Variants in CACNA1D observed in about 807,000 individuals in gnomAD.
The protein encoded by CACNA1D is calcium voltage-gated channel subunit alpha1 D, also known as voltage-dependent L-type calcium channel subunit alpha-1D.
Under a neutral mutation model 257.1 loss-of-function variants are expected in CACNA1D, and 55 were observed. That is an observed-to-expected ratio of 0.21 (90% CI 0.17 to 0.27). The LOEUF is 0.27. CACNA1D is among the 10% of genes least tolerant of loss of function. CACNA1D has a pLI of 1.00. For missense variants in CACNA1D, 1,876 were observed against 2,784.0 expected, an observed-to-expected ratio of 0.67 and a Z score of 7.34; for synonymous variants, 980 against 1,014.9, an observed-to-expected ratio of 0.97 and a Z score of 0.65.
chr3:53,661,689 G>A (rs2680653), intron 5 of CACNA1D, among the ~76,000 whole-genome samples: 2 of 152,162 alleles, frequency 1.3e-5, no homozygotes, highest in Admixed American at 6.5e-5. Context: ...GGCTGTGTGC[G>A]TGTGTGCGTG....
chr3:53,571,563 A>G (rs1024241685), intron 3 of CACNA1D, among the ~76,000 whole-genome samples: 2 of 151,286 alleles, frequency 1.3e-5, no homozygotes, highest in African/African-American at 4.9e-5. Context: ...CATAATAGTC[A>G]TGACAGGTTC....
chr3:53,638,233 A>G (rs2093908797), intron 3 of CACNA1D, among the ~76,000 whole-genome samples: 1 of 152,116 alleles, frequency 6.6e-6, no homozygotes, highest in Admixed American at 6.6e-5. Context: ...GTCTATAGCA[A>G]ACCATAGAGA....
At chr3:53,556,001 G>A (rs957595441) in intron 3 of CACNA1D, among the ~76,000 whole-genome samples, 5 of 152,018 alleles carry the variant, frequency 3.3e-5, no homozygotes, top group Admixed American at 3.3e-4. Context: ...CCCAGCCCAT[G>A]GCAACCACTG....
chr3:53,673,844 TCTC>T lies in CACNA1D; in HGVS notation c.1220+721_1220+723del, dbSNP rs1278244128. 7.0e-7 allele frequency: 1 copy of T among 1,433,926 alleles called. No homozygotes were observed. The highest frequency in any genetic ancestry group is 1.1e-5 in the South Asian group (1 of 87,416). The allele number at this position is 1,433,926 out of a possible 1,614,324, so 88.8% of individuals were successfully genotyped here. A position where few individuals can be genotyped will look rare whatever the true frequency, so the allele number is the denominator to read the frequency against. On this transcript the variant is annotated intron_variant, in intron 8 of 47. Coordinates refer to ENST00000350061, the MANE Select transcript of CACNA1D (RefSeq NM_001128840.3). This position sits in a 1 kb window ranked among gnomAD's most constrained non-coding sequence, Gnocchi z 4.1. ...AAGCAGTCGGATCCGTGTTGCACCT[TCTC>T]CTGCTGCCACGTGTGAGGCAACTCT...
At chr3:53,541,080 T>C (rs867644263) in intron 3 of CACNA1D, among the ~76,000 whole-genome samples, 3 of 152,200 alleles carry the variant, frequency 2.0e-5, no homozygotes, top group South Asian at 2.1e-4. Context: ...GTTGTTTTTC[T>C]TGTTTAAAAT....
chr3:53,602,123 C>T (rs1489852518), intron 3 of CACNA1D, among the ~76,000 whole-genome samples: 1 of 152,200 alleles, frequency 6.6e-6, no homozygotes, highest in Non-Finnish European at 1.5e-5. Context: ...TCTCCTCACC[C>T]TTCCTGGTCT....
intron 12 of CACNA1D, among the ~76,000 whole-genome samples, chr3:53,722,822 G>A (rs1241696311): frequency 2.6e-5 from 4 of 152,126 alleles, no homozygotes; most frequent in Non-Finnish European, 4.4e-5. Context: ...AAATGGTTTT[G>A]GTTCCCCTGC....
intron 3 of CACNA1D, among the ~76,000 whole-genome samples, chr3:53,622,670 A>G (rs1183450905): frequency 6.6e-6 from 1 of 152,128 alleles, no homozygotes; most frequent in African/African-American, 2.4e-5. Context: ...ACTAATGTGT[A>G]CTAGGCTTGA....
intron 8 of CACNA1D, among the ~76,000 whole-genome samples, chr3:53,683,992 T>C (rs1051603247): frequency 6.6e-6 from 1 of 152,160 alleles, no homozygotes; most frequent in Non-Finnish European, 1.5e-5. Flanking sequence ...CAAATTTAGA[T>C]GGCTGAAAGT....
rs995749979 is a variant in CACNA1D, at chr3:53,494,751, GCGGGCGGGCAGA to G, written c.-405_-394del. The G allele has an allele frequency of 2.9e-4, 42 of 147,074 alleles. No homozygotes were observed. The highest frequency in any genetic ancestry group is 2.6e-3 in the Admixed American group (39 of 14,746). The allele number at this position is 147,074 out of a possible 1,614,324, so 9.1% of individuals were successfully genotyped here. A position where few individuals can be genotyped will look rare whatever the true frequency, so the allele number is the denominator to read the frequency against. ...GCGGCGGCGGGCACCGGGCACCGCGGCGGGCGGGCAGACGGGCGGGCATGGGGGGAGCGCCGA... is the reference window on the plus strand; with the variant it reads ...GCGGCGGCGGGCACCGGGCACCGCGGCGGGCGGGCATGGGGGGAGCGCCGA... On this transcript the variant is annotated 5_prime_UTR_variant, in exon 1 of 48. In the 5' UTR this introduces an upstream ATG that the reference lacks. Coordinates refer to ENST00000350061, the MANE Select transcript of CACNA1D (RefSeq NM_001128840.3).
intron 3 of CACNA1D, among the ~76,000 whole-genome samples, chr3:53,590,766 G>A (rs2093292333): frequency 6.6e-6 from 1 of 152,172 alleles, no homozygotes; most frequent in Admixed American, 6.5e-5. Flanking sequence ...GGTGATCATG[G>A]TGCCCACATC....
Position 53,811,110 on chromosome 3 carries a change from C to T in CACNA1D, c.6193-3C>T, listed in dbSNP as rs780761705. 8.1e-6 allele frequency: 13 copies of T among 1,613,248 alleles called. No homozygotes were observed. The East Asian group carries it at 1.3e-4, about 17-fold the overall frequency. On this transcript the variant is annotated splice_region_variant and splice_polypyrimidine_tract_variant and intron_variant, in intron 47 of 47. Coordinates refer to ENST00000350061, the MANE Select transcript of CACNA1D (RefSeq NM_001128840.3). This position sits in a 1 kb window ranked among gnomAD's most constrained non-coding sequence, Gnocchi z 4.2. ...ATGCCATCCATCCCTCTTTTCTGTACAGGTCCTGATATCCGAAGGCTTGGG... is the reference window on the plus strand; with the variant it reads ...ATGCCATCCATCCCTCTTTTCTGTATAGGTCCTGATATCCGAAGGCTTGGG...
At chr3:53,496,630 G>C (rs2090362070) in intron 1 of CACNA1D, among the ~76,000 whole-genome samples, 1 of 151,842 alleles carries the variant, frequency 6.6e-6, no homozygotes. Context: ...ATTTTTTTTC[G>C]GTACTGAAAA....
chr3:53,516,328 G>A (rs1190767334), intron 3 of CACNA1D, among the ~76,000 whole-genome samples: 1 of 152,254 alleles, frequency 6.6e-6, no homozygotes, highest in East Asian at 1.9e-4. Flanking sequence ...TTAAATCCCT[G>A]TGTTCTTCCA....
chr3:53,603,664 C>G (rs1252281052), intron 3 of CACNA1D, among the ~76,000 whole-genome samples: 4 of 152,180 alleles, frequency 2.6e-5, no homozygotes, highest in African/African-American at 9.7e-5. Flanking sequence ...AATCCCACTT[C>G]ATGTGGCAGC....
At chr3:53,654,683 T>C (rs2094131533) in intron 4 of CACNA1D, among the ~76,000 whole-genome samples, 1 of 152,178 alleles carries the variant, frequency 6.6e-6, no homozygotes, top group Non-Finnish European at 1.5e-5. Flanking sequence ...CTATGGCTAT[T>C]TGGTATTATA....
chr3:53,661,436 A>C (rs2094202850), intron 5 of CACNA1D, among the ~76,000 whole-genome samples: 1 of 152,238 alleles, frequency 6.6e-6, no homozygotes, highest in African/African-American at 2.4e-5. Flanking sequence ...AAAGATCAGC[A>C]CAAGTCAAAA....
At position 53,539,335 on chromosome 3, in the gene CACNA1D, C is replaced by A. The variant is rs183590165; in HGVS notation, c.483+37615C>A. On this transcript the variant is annotated intron_variant, in intron 3 of 47. Transcript: ENST00000350061. Reference sequence around the variant, plus strand: ...ATGTTAGCCAGGCTGGCCTTGAACTCCTGACCTCGTGATCTGCCCGCCTCC... The same window carrying A: ...ATGTTAGCCAGGCTGGCCTTGAACTACTGACCTCGTGATCTGCCCGCCTCC... Among the ~76,000 whole-genome samples the A allele has an allele frequency of 3.0e-4, 46 of 152,204 alleles. No homozygotes were observed. The East Asian group carries it at 8.7e-3, about 29-fold the overall frequency.
Position 53,774,779 on chromosome 3 carries a change from C to T in CACNA1D, c.4202+101C>T. 2 of 737,604 alleles carry T rather than the reference C, an allele frequency of 2.7e-6. No individual in the cohort carries two copies. Among genetic ancestry groups the T allele is most frequent in the Non-Finnish European group, 4.9e-6 (2 of 404,684 alleles). The allele number at this position is 737,604 out of a possible 1,614,324, so 45.7% of individuals were successfully genotyped here. A position where few individuals can be genotyped will look rare whatever the true frequency, so the allele number is the denominator to read the frequency against. ...CAGGTTATTAAAGCAGTGTGCCTTT[C>T]TCAGTTGATTGTGATGGCTTTTTGT... On this transcript the variant is annotated intron_variant, in intron 34 of 47. Coordinates refer to ENST00000350061, the MANE Select transcript of CACNA1D (RefSeq NM_001128840.3). The surrounding 1 kb of genome is among the most constrained non-coding windows in gnomAD (Gnocchi z 4.3).
Sources: gnomAD v4.1 joint callset for allele counts (sites outside exome capture counted in the v4.1 genomes callset) on GRCh38, gnomAD v4.1.1 for gene constraint, Gnocchi (gnomAD v3.1) non-coding constraint, MANE v1.5 for transcripts, NCBI Gene and HGNC (gene_info 2026-07-23, HGNC 2026-07-21) for gene names.